The following RTL4 variants were observed in gnomAD, a reference collection of about 807,000 sequenced individuals.
RTL4 encodes retrotransposon Gag-like protein 4.
In RTL4, 4 loss-of-function variants were observed where a neutral mutation model predicts 5.3. The observed-to-expected ratio is 0.75, with a 90% CI of 0.37 to 1.72. RTL4 has a LOEUF of 1.72. Ranked by LOEUF, RTL4 falls within the 40% of genes most tolerant of loss-of-function variation. The probability of loss-of-function intolerance (pLI) is 0.04; values close to 1 mark genes in which losing one functional copy is unlikely to be tolerated. For synonymous variants in RTL4, 98 were observed against 87.3 expected, an observed-to-expected ratio of 1.12 and a Z score of -0.68; for missense variants, 260 against 227.1, an observed-to-expected ratio of 1.14 and a Z score of -0.93.
At chrX:112,297,299 T>C in the RTL4 span, among the ~76,000 whole-genome samples, 1 of 111,076 alleles carries the variant, frequency 9.0e-6, no homozygotes, top group Non-Finnish European at 1.9e-5. Flanking sequence ...TGAAACTGGG[T>C]AATTTATAAA....
the RTL4 span, among the ~76,000 whole-genome samples, chrX:112,119,007 C>T: frequency 2.0e-5 from 2 of 100,404 alleles, no homozygotes; most frequent in East Asian, 2.9e-4. Context: ...CCACACCCAG[C>T]TAATTTTTTT....
At chrX:112,330,795 G>T in the RTL4 span, among the ~76,000 whole-genome samples, 5 of 111,288 alleles carry the variant, frequency 4.5e-5, no homozygotes, top group Non-Finnish European at 9.4e-5. Flanking sequence ...CATGGTACTG[G>T]TACCAAAACA....
the RTL4 span, among the ~76,000 whole-genome samples, chrX:112,145,070 GA>G: frequency 4.5e-5 from 5 of 110,629 alleles, no homozygotes; most frequent in Non-Finnish European, 9.5e-5. Context: ...TTCTGTTCAG[GA>G]GCTCTTTTCC....
chrX:112,237,625 T>G, the RTL4 span, among the ~76,000 whole-genome samples: 1 of 112,667 alleles, frequency 8.9e-6, no homozygotes, highest in Non-Finnish European at 1.9e-5. Flanking sequence ...TACAGCTCAA[T>G]TTTTAACATG....
chrX:112,236,404 G>T, the RTL4 span, among the ~76,000 whole-genome samples: 28 of 60,874 alleles, frequency 4.6e-4, no homozygotes, highest in African/African-American at 1.8e-3. Flanking sequence ...ATATAATATA[G>T]ATATAGATCT....
chrX:112,134,306 C>T, the RTL4 span, among the ~76,000 whole-genome samples: 1 of 111,945 alleles, frequency 8.9e-6, no homozygotes, highest in Non-Finnish European at 1.9e-5. Context: ...ACTGGAAAAC[C>T]ACTGGACCGC....
At chrX:112,397,111 T>C in the RTL4 span, among the ~76,000 whole-genome samples, 13 of 111,798 alleles carry the variant, frequency 1.2e-4, no homozygotes, top group Non-Finnish European at 3.8e-5. Flanking sequence ...AGCACCTACT[T>C]AAGGTGTGGA....
chrX:112,390,151 ATATATATATT>A, the RTL4 span, among the ~76,000 whole-genome samples: 109 of 52,156 alleles, frequency 2.1e-3, 1 homozygote, highest in Non-Finnish European at 3.2e-3. Context: ...ATATATATAT[ATATATATATT>A]TAGGATCGTG....
chrX:112,400,680 G>A, the RTL4 span, among the ~76,000 whole-genome samples: 2 of 112,032 alleles, frequency 1.8e-5, no homozygotes, highest in East Asian at 5.5e-4. Flanking sequence ...TCTTGGACAT[G>A]TACTTTAAAA....
chrX:112,372,585 G>A, the RTL4 span, among the ~76,000 whole-genome samples: 1 of 111,241 alleles, frequency 9.0e-6, no homozygotes, highest in African/African-American at 3.3e-5. Context: ...TTGTAGGAAA[G>A]AAGGATCCTG....
At chrX:112,359,983 T>A in the RTL4 span, among the ~76,000 whole-genome samples, 1 of 111,756 alleles carries the variant, frequency 8.9e-6, no homozygotes, top group Non-Finnish European at 1.9e-5. Flanking sequence ...ATACACTTAA[T>A]GCAGAATGAT....
the RTL4 span, among the ~76,000 whole-genome samples, chrX:112,147,512 C>A: frequency 9.0e-4 from 101 of 112,106 alleles, no homozygotes; most frequent in Non-Finnish European, 1.6e-3. Context: ...AGAGTTGTGG[C>A]CACTGCACTT....
At chrX:112,264,126 A>G in the RTL4 span, among the ~76,000 whole-genome samples, 1 of 111,528 alleles carries the variant, frequency 9.0e-6, no homozygotes, top group Non-Finnish European at 1.9e-5. Context: ...GGTCCAAACC[A>G]TGGTGCCCAG....
At chrX:112,455,220 T>G (rs1318706433) in exon 1 of RTL4, 1 of 1,211,758 alleles carries the variant, frequency 8.3e-7, no homozygotes, top group Non-Finnish European at 1.1e-6. Flanking sequence ...AGGACCCTGC[T>G]ACTTTCCACC....
chrX:112,115,291 G>A, the RTL4 span, among the ~76,000 whole-genome samples: 3 of 111,299 alleles, frequency 2.7e-5, no homozygotes, highest in East Asian at 8.5e-4. Context: ...CTGCACCCTT[G>A]CCTTTCCTGT....
the RTL4 span, among the ~76,000 whole-genome samples, chrX:112,358,454 G>A: frequency 1.8e-5 from 2 of 111,196 alleles, no homozygotes; most frequent in African/African-American, 6.5e-5. Flanking sequence ...TTGTAGAATA[G>A]AACTTTATGT....
the RTL4 span, among the ~76,000 whole-genome samples, chrX:112,448,176 A>T: frequency 8.9e-6 from 1 of 112,044 alleles, no homozygotes; most frequent in South Asian, 3.7e-4. Context: ...GCAGGAAAAG[A>T]CCTTTTATTT....
the RTL4 span, among the ~76,000 whole-genome samples, chrX:112,328,921 C>G: frequency 9.0e-6 from 1 of 111,507 alleles, no homozygotes; most frequent in Admixed American, 9.6e-5. Context: ...GGGTACATAA[C>G]GAAATGAAGG....
At chrX:112,274,297 G>A in the RTL4 span, among the ~76,000 whole-genome samples, 1 of 111,763 alleles carries the variant, frequency 8.9e-6, no homozygotes. Flanking sequence ...CGAGAAGCTG[G>A]AGGGAAATTT....
Sources: allele counts gnomAD v4.1 joint callset (sites outside exome capture counted in the v4.1 genomes callset), GRCh38; gene constraint gnomAD v4.1.1; transcripts MANE v1.5; gene names NCBI Gene and HGNC (gene_info 2026-07-23, HGNC 2026-07-21).